Variants in TEAD2 observed in about 807,000 individuals in gnomAD.
The protein encoded by TEAD2 is TEA domain transcription factor 2, also known as transcriptional enhancer factor TEF-4.
A neutral mutation model predicts 61.4 loss-of-function variants in TEAD2; 51 were observed. That is an observed-to-expected ratio of 0.83 (90% CI 0.66 to 1.05). The LOEUF (loss-of-function observed/expected upper bound fraction) is 1.05, where lower values mean the gene tolerates loss of function less well. Among genes scored for constraint, TEAD2 ranks in the 50% least tolerant of loss-of-function variants. The pLI is 0.00. For synonymous variants in TEAD2, 244 were observed against 243.2 expected (o/e 1.00, Z -0.03); for missense variants, 509 against 600.0 (o/e 0.85, Z 1.58).
At chr19:49,352,518 G>C (rs968901212) in intron 7 of TEAD2, among the ~76,000 whole-genome samples, 1 of 152,084 alleles carries the variant, frequency 6.6e-6, no homozygotes, top group African/African-American at 2.4e-5. Flanking sequence ...AGACCAGCCT[G>C]GGCAACACAG....
At position 49,347,356 on chromosome 19, in the gene TEAD2, C is replaced by T; in HGVS notation, c.755G>A (p.Arg252Lys). Residue 252 changes from arginine (R) to lysine (K), a missense_variant, in exon 10 of 13, where the codon AGG becomes AAG. Physicochemically the swap from Arg to Lys is conservative, Grantham distance 26. Transcript: ENST00000593945. Reference sequence around the variant, plus strand: ...CTGGCTGATGTGCACGAACAGGTGCCTCTGGTACTGAGGAGGGTTGGCCGT... The same window carrying T: ...CTGGCTGATGTGCACGAACAGGTGCTTCTGGTACTGAGGAGGGTTGGCCGT... ...EPPDAVDSYQ[R>K]HLFVHISQHC... The T allele has an allele frequency of 6.2e-7, 1 of 1,609,112 alleles. No homozygotes were observed. The highest frequency in any genetic ancestry group is 8.5e-7 in the Non-Finnish European group (1 of 1,179,522).
At position 49,342,567 on chromosome 19, in the gene TEAD2, G is replaced by A. The variant is rs768124190; in HGVS notation, c.1113C>T (p.Asp371=). 14 of 1,613,596 alleles carry A rather than the reference G, an allele frequency of 8.7e-6. No homozygotes were observed. The highest frequency in any genetic ancestry group is 1.3e-5 in the African/African-American group (1 of 75,024). ...GCAGCAGGCGGTACACAAATCTGCCGTCCTCCAGCTGGGCCCGTTCCGTCT... is the reference window on the plus strand; with the variant it reads ...GCAGCAGGCGGTACACAAATCTGCCATCCTCCAGCTGGGCCCGTTCCGTCT... The part of the protein sequence containing the change: ...KVETERAQLE[D]GRFVYRLLRS... The change falls in exon 12 of 13, where the codon GAC becomes GAT. Residue 371 remains aspartate, a synonymous_variant. Coordinates refer to ENST00000593945, the MANE Select transcript of TEAD2 (RefSeq NM_001256660.2).
chr19:49,358,982 C>A (rs2146625545), intron 3 of TEAD2, among the ~76,000 whole-genome samples: 1 of 152,184 alleles, frequency 6.6e-6, no homozygotes, highest in East Asian at 2.0e-4. Context: ...GTAATCCCAG[C>A]AATCCCAGCA....
At chr19:49,351,469 T>G in intron 7 of TEAD2, 104 bp from the exon 8 acceptor site, 1 of 1,100,750 alleles carries the variant, frequency 9.1e-7, no homozygotes, top group South Asian at 1.5e-5. Context: ...GTGCATTTTG[T>G]GCACAATCTC....
At position 49,357,201 on chromosome 19, in the gene TEAD2, C is replaced by T. The variant is rs568922579; in HGVS notation, c.360+51G>A. 2.5e-6 allele frequency: 4 copies of T among 1,569,850 alleles called. No homozygotes were observed. In the Admixed American group the frequency reaches 5.1e-5, roughly 20 times the overall value. On this transcript the variant is annotated intron_variant, in intron 4 of 12. Transcript: ENST00000593945. ...GTCCCTCTCTTTCTGGGTCTCGGTCCCCCACCCCCAGTCTCTGTCCCCCTC... is the reference window on the plus strand; with the variant it reads ...GTCCCTCTCTTTCTGGGTCTCGGTCTCCCACCCCCAGTCTCTGTCCCCCTC...
At chr19:49,354,711 T>A (rs925130120) in intron 7 of TEAD2, among the ~76,000 whole-genome samples, 1 of 151,222 alleles carries the variant, frequency 6.6e-6, no homozygotes, top group African/African-American at 2.4e-5. Flanking sequence ...AAGAACCACC[T>A]AATAGAGGCT....
Position 49,347,283 on chromosome 19 carries a change from C to T in TEAD2, c.828G>A (p.Arg276=). The change falls in exon 10 of 13, where the codon CGG becomes CGA. Residue 276 remains arginine (R), a synonymous_variant. Coordinates refer to ENST00000593945, the MANE Select transcript of TEAD2 (RefSeq NM_001256660.2). ...TCTCAGGGAATTTGTCGTAGATCTG[C>T]CGGACGTCCACACTCTCGAGCGGCG... is the stretch of plus-strand genomic sequence containing the variant. ...GAPPLESVDV[R]QIYDKFPEKK... The T allele has an allele frequency of 6.2e-7, 1 of 1,614,012 alleles. No homozygotes were observed. Among genetic ancestry groups the T allele is most frequent in the Non-Finnish European group, 8.5e-7 (1 of 1,179,998 alleles).
chr19:49,361,232 A>T (rs1436845792), intron 1 of TEAD2, among the ~76,000 whole-genome samples: 1 of 141,696 alleles, frequency 7.1e-6, no homozygotes, highest in Non-Finnish European at 1.5e-5. Context: ...AGAGAGGGTG[A>T]CAGAGACCCA....
At chr19:49,343,114 C>T in intron 11 of TEAD2, 117 bp downstream of exon 11, 2 of 1,269,050 alleles carry the variant, frequency 1.6e-6, no homozygotes, top group Non-Finnish European at 2.1e-6. Context: ...ATTAAACCCT[C>T]AAAGAGGCTG....
chr19:49,355,109 G>C, intron 7 of TEAD2, 39 bp downstream of exon 7: 1 of 1,563,268 alleles, frequency 6.4e-7, no homozygotes, highest in Non-Finnish European at 8.7e-7. Context: ...GAGTGTGAGG[G>C]TGGGGGGCAG....
At chr19:49,353,911 G>A (rs1972186492) in intron 7 of TEAD2, among the ~76,000 whole-genome samples, 1 of 150,806 alleles carries the variant, frequency 6.6e-6, no homozygotes, top group Non-Finnish European at 1.5e-5. Flanking sequence ...CTCCTGAGTA[G>A]CTGGGACTAC....
intron 12 of TEAD2, 147 bp downstream of exon 12, chr19:49,342,291 A>G: frequency 9.3e-7 from 1 of 1,072,824 alleles, no homozygotes; most frequent in Non-Finnish European, 1.3e-6. Flanking sequence ...TCAGTTTCCT[A>G]GTTAAAAGAG....
At chr19:49,343,162 G>A (rs1254638727) in intron 11 of TEAD2, 69 bp downstream of exon 11, 3 of 1,505,088 alleles carry the variant, frequency 2.0e-6, no homozygotes, top group Non-Finnish European at 2.7e-6. Context: ...AAATGCCTGA[G>A]TCATGATGGC....
In TEAD2 at chr19:49,342,440, G is replaced by A. The variant is rs771371658; in HGVS notation, c.1240C>T (p.Gln414Ter). The change falls in exon 12 of 13, where the codon CAG becomes TAG. Residue 414 changes from glutamine (Q) to a stop codon, truncating the protein, a stop_gained and splice_region_variant. Coordinates refer to ENST00000593945, the MANE Select transcript of TEAD2 (RefSeq NM_001256660.2). LOFTEE classifies it high-confidence loss of function. Reference protein sequence around the residue: ...NSVLENFTILQVVTNRDTQEL... With the variant: ...NSVLENFTIL The stretch of plus-strand genomic sequence containing the variant: ...TCCAGCCCAGCCCCAGGCATCACCT[G>A]GAGGATGGTGAAGTTTTCCAGGACG... 2 of 1,613,322 alleles carry A rather than the reference G, an allele frequency of 1.2e-6. No homozygotes were observed. The highest frequency in any genetic ancestry group is 1.7e-6 in the Non-Finnish European group (2 of 1,179,318).
Position 49,341,272 on chromosome 19 carries a change from C to G in TEAD2, c.*52G>C. The G allele has an allele frequency of 2.0e-6, 3 of 1,481,994 alleles. No individual in the cohort carries two copies. The highest frequency in any genetic ancestry group is 2.8e-6 in the Non-Finnish European group (3 of 1,061,650). 91.8% of individuals were successfully genotyped at this position (1,481,994 alleles called of 1,614,324 possible). A position where few individuals can be genotyped will look rare whatever the true frequency, so the allele number is the denominator to read the frequency against. On this transcript the variant is annotated 3_prime_UTR_variant, in exon 13 of 13. Coordinates refer to ENST00000593945, the MANE Select transcript of TEAD2 (RefSeq NM_001256660.2). This position sits in a 1 kb window ranked among gnomAD's most constrained non-coding sequence, Gnocchi z 4.2. Reference sequence around the variant, plus strand: ...AGAAGCATGAGGTGAGCTGGAGGACCCTCCCTGGGAGGAGGGTGTTCTGGG... The same window carrying G: ...AGAAGCATGAGGTGAGCTGGAGGACGCTCCCTGGGAGGAGGGTGTTCTGGG...
chr19:49,352,199 G>A (rs1265437925), intron 7 of TEAD2, among the ~76,000 whole-genome samples: 1 of 152,114 alleles, frequency 6.6e-6, no homozygotes, highest in East Asian at 1.9e-4. Flanking sequence ...ATGTTCTATT[G>A]GATGGAAATC....
At chr19:49,358,645 T>A (rs1305034347) in intron 3 of TEAD2, among the ~76,000 whole-genome samples, 1 of 151,246 alleles carries the variant, frequency 6.6e-6, no homozygotes, top group African/African-American at 2.4e-5. Context: ...TCTTTTTTTT[T>A]TTTTTTGAGG....
intron 10 of TEAD2, among the ~76,000 whole-genome samples, chr19:49,343,846 CTT>C (rs370633186): frequency 2.0e-4 from 22 of 109,438 alleles, no homozygotes; most frequent in African/African-American, 5.6e-4. Context: ...GTTTGTTTGT[CTT>C]TTTTTTTGGG....
At chr19:49,351,205 AC>A (rs1971998061) in intron 8 of TEAD2, 95 bp downstream of exon 8, 4 of 1,231,176 alleles carry the variant, frequency 3.2e-6, no homozygotes, top group East Asian at 2.6e-5. Context: ...AACAAAAAAA[AC>A]AATGTATCCC....
Sources: gnomAD v4.1 joint callset for allele counts (sites outside exome capture counted in the v4.1 genomes callset) on GRCh38, gnomAD v4.1.1 for gene constraint, Gnocchi (gnomAD v3.1) non-coding constraint, MANE v1.5 for transcripts, NCBI Gene and HGNC (gene_info 2026-07-23, HGNC 2026-07-21) for gene names.